The following KIAA1549 variants were observed in gnomAD, a reference collection of about 807,000 sequenced individuals.
KIAA1549 encodes the protein UPF0606 protein KIAA1549.
In KIAA1549, 70 loss-of-function variants were observed where a neutral mutation model predicts 156.4. That is an observed-to-expected ratio of 0.45 (90% CI 0.37 to 0.55). The LOEUF is 0.55. KIAA1549 is among the 20% of genes least tolerant of loss of function. The pLI is 0.00. For synonymous variants in KIAA1549, 1,103 were observed against 1,066.4 expected (o/e 1.03, Z -0.67); for missense variants, 2,428 against 2,540.9 (o/e 0.96, Z 0.96).
chr7:138,898,807 C>G (rs1293004295), intron 9 of KIAA1549, 148 bp downstream of exon 9: 4 of 693,348 alleles, frequency 5.8e-6, no homozygotes, highest in Non-Finnish European at 7.4e-6. Flanking sequence ...TAAAGAAGGT[C>G]TTGGTGAATG....
At chr7:138,867,615 GA>G (rs1584715605) in intron 15 of KIAA1549, among the ~76,000 whole-genome samples, 1 of 151,892 alleles carries the variant, frequency 6.6e-6, no homozygotes, top group Non-Finnish European at 1.5e-5. Context: ...TAGGGAGAAG[GA>G]AAAAAACCTT....
chr7:138,835,352 G>C lies in KIAA1549; in HGVS notation c.*2554C>G. ...TCACACCACACCATAACCACCGGCT[G>C]TTTATTATACATCATCTTTGGTCTT... On this transcript the variant is annotated 3_prime_UTR_variant, in exon 20 of 20. Coordinates refer to ENST00000422774, the MANE Select transcript of KIAA1549 (RefSeq NM_001164665.2). 1 of 214,246 alleles carries C rather than the reference G, an allele frequency of 4.7e-6. No individual in the cohort carries two copies. The highest frequency in any genetic ancestry group is 9.4e-6 in the Non-Finnish European group (1 of 106,012). 13.3% of individuals were successfully genotyped at this position (214,246 alleles called of 1,614,324 possible). A position where few individuals can be genotyped will look rare whatever the true frequency, so the allele number is the denominator to read the frequency against.
At chr7:138,952,769 A>C (rs1041472873) in intron 1 of KIAA1549, among the ~76,000 whole-genome samples, 1 of 152,336 alleles carries the variant, frequency 6.6e-6, no homozygotes, top group African/African-American at 2.4e-5. Context: ...GATCCTGAGG[A>C]GGTGTTCTAT....
chr7:138,887,104 T>A (rs1811414766), intron 10 of KIAA1549, among the ~76,000 whole-genome samples: 1 of 151,946 alleles, frequency 6.6e-6, no homozygotes, highest in Admixed American at 6.6e-5. Flanking sequence ...CAGATGGGGT[T>A]TCACCATGTT....
chr7:138,883,089 TA>T (rs1201752539), intron 10 of KIAA1549, among the ~76,000 whole-genome samples: 866 of 47,056 alleles, frequency 0.018, 133 homozygotes, highest in Admixed American at 0.023. Flanking sequence ...CCATCTCCCC[TA>T]AAAAAAAAAA....
intron 5 of KIAA1549, among the ~76,000 whole-genome samples, chr7:138,908,333 T>C (rs1246982310): frequency 6.6e-6 from 1 of 152,162 alleles, no homozygotes; most frequent in African/African-American, 2.4e-5. Context: ...CAGGAAAGCC[T>C]ACAATGAAAA....
In KIAA1549 at chr7:138,969,484, C is replaced by T. The variant is rs114189194; in HGVS notation, c.187+11599G>A. ...AATTTCCTTCCTTTTTAAGGCTGAA[C>T]GATATTCCACTGAATGGCTAGACCA... On this transcript the variant is annotated intron_variant, in intron 1 of 19. Transcript: ENST00000422774. Among the ~76,000 whole-genome samples, 554 of 152,234 alleles carry T rather than the reference C, an allele frequency of 3.6e-3. 3 individuals carry two copies. Among genetic ancestry groups the T allele is most frequent in the African/African-American group, 0.013 (538 of 41,534 alleles).
intron 1 of KIAA1549, among the ~76,000 whole-genome samples, chr7:138,949,138 G>GA (rs1813418678): frequency 6.6e-6 from 1 of 152,082 alleles, no homozygotes; most frequent in Admixed American, 6.5e-5. Context: ...CCACACTCTC[G>GA]AAAAAATCGT....
chr7:138,917,020 G>C lies in KIAA1549; in HGVS notation c.2606C>G (p.Ser869Ter). ...LPTELTVVGP[S>*]LTPTEVPLNT... ...CAGTGGCACCTCTGTGGGTGTGAGT[G>C]ATGGGCCCACGACGGTCAGCTCTGT... Residue 869 changes from serine to a stop codon, truncating the protein, a stop_gained, in exon 2 of 20, where the codon TCA becomes TGA. Coordinates refer to ENST00000422774, the MANE Select transcript of KIAA1549 (RefSeq NM_001164665.2). LOFTEE classifies it high-confidence loss of function. 1 of 1,604,652 alleles carries C rather than the reference G, an allele frequency of 6.2e-7. No homozygotes were observed. The highest frequency in any genetic ancestry group is 8.5e-7 in the Non-Finnish European group (1 of 1,175,518).
chr7:138,858,945 G>A (rs1470904285), intron 16 of KIAA1549, among the ~76,000 whole-genome samples: 1 of 151,686 alleles, frequency 6.6e-6, no homozygotes, highest in Non-Finnish European at 1.5e-5. Flanking sequence ...GGTGGAGCTT[G>A]CAGTGAGCCG....
chr7:138,856,036 A>ATTT (rs57818656), intron 16 of KIAA1549, among the ~76,000 whole-genome samples: 4 of 141,806 alleles, frequency 2.8e-5, no homozygotes, highest in African/African-American at 1.0e-4. Flanking sequence ...TATTTATTTT[A>ATTT]TTTTTTTTTT....
At position 138,854,168 on chromosome 7, in the gene KIAA1549, A is replaced by T. The variant is rs539813080; in HGVS notation, c.5248-1899T>A. The stretch of plus-strand genomic sequence containing the variant: ...AAACAAAATTGCATTTGAAGGTTTC[A>T]ATCAGCTAGGTATATAAAAATCCCA... On this transcript the variant is annotated intron_variant, in intron 16 of 19. Coordinates refer to ENST00000422774, the MANE Select transcript of KIAA1549 (RefSeq NM_001164665.2). Among the ~76,000 whole-genome samples the T allele has an allele frequency of 1.2e-3, 189 of 152,238 alleles. 1 individual carries two copies. Among genetic ancestry groups the T allele is most frequent in the Non-Finnish European group, 2.2e-3 (151 of 68,032 alleles).
In KIAA1549 at chr7:138,857,164, C is replaced by T. The variant is rs188103175; in HGVS notation, c.5247+3975G>A. Among the ~76,000 whole-genome samples the T allele has an allele frequency of 3.0e-4, 46 of 152,128 alleles. No homozygotes were observed. The South Asian group carries it at 5.2e-3, about 17-fold the overall frequency. ...TCTCAGCCTCCATAATTACATGAGC[C>T]GACTCCTCATAATAAGTAAATTTCT... is the stretch of plus-strand genomic sequence containing the variant. On this transcript the variant is annotated intron_variant, in intron 16 of 19. Coordinates refer to ENST00000422774, the MANE Select transcript of KIAA1549 (RefSeq NM_001164665.2).
At chr7:138,910,397 CT>C (rs200459041) in intron 4 of KIAA1549, among the ~76,000 whole-genome samples, 26,751 of 130,862 alleles carry the variant, frequency 0.2, 3,030 homozygotes, top group African/African-American at 0.38. Context: ...TTCTTAAATT[CT>C]TTTTTTTTTT....
rs1201295836 is a variant in KIAA1549, at chr7:138,836,594, C to T, written c.*1312G>A. On this transcript the variant is annotated 3_prime_UTR_variant, in exon 20 of 20. Coordinates refer to ENST00000422774, the MANE Select transcript of KIAA1549 (RefSeq NM_001164665.2). Reference sequence around the variant, plus strand: ...TCAGGTACCAGAAAACAGAACAGCCCTTGCCACTGTTTTCTTTACCATTAT... The same window carrying T: ...TCAGGTACCAGAAAACAGAACAGCCTTTGCCACTGTTTTCTTTACCATTAT... The T allele has an allele frequency of 4.6e-6, 1 of 218,896 alleles. No homozygotes were observed. Among genetic ancestry groups the T allele is most frequent in the East Asian group, 6.8e-5 (1 of 14,736 alleles). 13.6% of individuals were successfully genotyped at this position (218,896 alleles called of 1,614,324 possible). A position where few individuals can be genotyped will look rare whatever the true frequency, so the allele number is the denominator to read the frequency against.
intron 12 of KIAA1549, among the ~76,000 whole-genome samples, chr7:138,875,826 C>T (rs1279774327): frequency 2.6e-5 from 4 of 152,128 alleles, no homozygotes; most frequent in Admixed American, 6.5e-5. Flanking sequence ...GACAGGGTCT[C>T]GCTCTGTCAC....
At chr7:138,841,171 C>T (rs1809905602) in intron 18 of KIAA1549, among the ~76,000 whole-genome samples, 1 of 152,152 alleles carries the variant, frequency 6.6e-6, no homozygotes, top group Non-Finnish European at 1.5e-5. Context: ...TGGGAGCCAC[C>T]ATGAAGCTGA....
At chr7:138,934,951 G>T (rs977707681) in intron 1 of KIAA1549, among the ~76,000 whole-genome samples, 5 of 152,134 alleles carry the variant, frequency 3.3e-5, no homozygotes, top group African/African-American at 1.2e-4. Flanking sequence ...AGGGATAATG[G>T]GGCCAAAGTC....
At chr7:138,898,549 T>G (rs1371247104) in intron 9 of KIAA1549, among the ~76,000 whole-genome samples, 1 of 152,110 alleles carries the variant, frequency 6.6e-6, no homozygotes, top group African/African-American at 2.4e-5. Flanking sequence ...AGGGTGCACC[T>G]CCCAGCTTCC....
Sources: gnomAD v4.1 joint callset for allele counts (sites outside exome capture counted in the v4.1 genomes callset) on GRCh38, gnomAD v4.1.1 for gene constraint, MANE v1.5 for transcripts, NCBI Gene and HGNC (gene_info 2026-07-23, HGNC 2026-07-21) for gene names.